Variants in LRRC4C observed in about 807,000 individuals in gnomAD.
LRRC4C encodes leucine rich repeat containing 4C.
Under a neutral mutation model 33.6 loss-of-function variants are expected in LRRC4C, and 5 were observed. The ratio of observed to expected loss-of-function variants is 0.15; its 90% CI spans 0.08 to 0.31. The LOEUF is 0.31. LRRC4C is among the 10% of genes least tolerant of loss of function. LRRC4C has a pLI of 1.00. For missense variants in LRRC4C, 560 were observed against 796.7 expected (o/e 0.70, Z 3.58); for synonymous variants, 329 against 302.0 (o/e 1.09, Z -0.93).
chr11:40,733,329 C>T (rs1280322493), intron 2 of LRRC4C, among the ~76,000 whole-genome samples: 1 of 151,988 alleles, frequency 6.6e-6, no homozygotes, highest in Non-Finnish European at 1.5e-5. Flanking sequence ...CCCTCCTCGG[C>T]CTCCCAAAGT....
chr11:40,193,093 T>C (rs1314656621), intron 5 of LRRC4C, among the ~76,000 whole-genome samples: 1 of 152,176 alleles, frequency 6.6e-6, no homozygotes, highest in Non-Finnish European at 1.5e-5. Flanking sequence ...AGCACAGTGC[T>C]CGAGCTCTGC....
intron 1 of LRRC4C, among the ~76,000 whole-genome samples, chr11:41,170,600 T>C (rs888787623): frequency 2.0e-5 from 3 of 152,080 alleles, no homozygotes; most frequent in Admixed American, 6.6e-5. Context: ...ATACAAAAAT[T>C]ATTTCAAGAT....
intron 1 of LRRC4C, among the ~76,000 whole-genome samples, chr11:41,141,713 C>A (rs1943515051): frequency 1.3e-5 from 2 of 152,050 alleles, no homozygotes; most frequent in South Asian, 4.1e-4. Flanking sequence ...TGAAGAGGTG[C>A]CTCCCACCAT....
At chr11:40,379,448 G>A (rs1948781162) in intron 3 of LRRC4C, among the ~76,000 whole-genome samples, 1 of 152,068 alleles carries the variant, frequency 6.6e-6, no homozygotes, top group African/African-American at 2.4e-5. Context: ...ACTGAAATTA[G>A]TTTTTGCATT....
At chr11:40,866,860 C>T (rs1197008807) in intron 2 of LRRC4C, among the ~76,000 whole-genome samples, 1 of 152,124 alleles carries the variant, frequency 6.6e-6, no homozygotes, top group Non-Finnish European at 1.5e-5. Flanking sequence ...ATTCTCCATC[C>T]TGTAGCCTCA....
rs144317305 is a variant in LRRC4C, at chr11:41,204,122, T to A, written c.-496+255309A>T. 3.3e-3 allele frequency among the ~76,000 whole-genome samples: 509 copies of A among 152,222 alleles called. 2 individuals carry two copies. Among genetic ancestry groups the A allele is most frequent in the African/African-American group, 0.012 (485 of 41,530 alleles). On this transcript the variant is annotated intron_variant, in intron 1 of 6. Coordinates refer to ENST00000528697, the MANE Select transcript of LRRC4C (RefSeq NM_001258419.2). ...GTGGAGACAGGAAAAGCAATTTGAG[T>A]AAGACAAGAGCCTTCAAGAACAGAT... is the stretch of plus-strand genomic sequence containing the variant.
At chr11:40,773,937 T>C (rs1200695827) in intron 2 of LRRC4C, among the ~76,000 whole-genome samples, 3 of 152,088 alleles carry the variant, frequency 2.0e-5, no homozygotes, top group Non-Finnish European at 4.4e-5. Flanking sequence ...GTTCTGCAAC[T>C]ACCAGTTATA....
At chr11:41,268,150 T>C (rs1949209803) in intron 1 of LRRC4C, among the ~76,000 whole-genome samples, 2 of 152,174 alleles carry the variant, frequency 1.3e-5, no homozygotes, top group Non-Finnish European at 2.9e-5. Context: ...TGTGTTGTGA[T>C]TGCACACAAA....
intron 3 of LRRC4C, among the ~76,000 whole-genome samples, chr11:40,401,145 G>T (rs1949742210): frequency 1.3e-5 from 2 of 151,006 alleles, no homozygotes; most frequent in African/African-American, 4.9e-5. Context: ...CACACATGGT[G>T]AGCAGGAATA....
chr11:40,155,134 T>C (rs775619526), intron 5 of LRRC4C, among the ~76,000 whole-genome samples: 10 of 152,102 alleles, frequency 6.6e-5, no homozygotes, highest in Non-Finnish European at 1.3e-4. Flanking sequence ...GAAATCAAGA[T>C]GAAAATTAAA....
intron 2 of LRRC4C, among the ~76,000 whole-genome samples, chr11:40,651,156 G>A (rs895252639): frequency 1.6e-4 from 24 of 152,138 alleles, no homozygotes; most frequent in Non-Finnish European, 4.4e-5. Flanking sequence ...GTATCCCCTT[G>A]CCACAAGTTT....
chr11:41,411,525 T>C (rs561734715), intron 1 of LRRC4C, among the ~76,000 whole-genome samples: 11 of 152,100 alleles, frequency 7.2e-5, no homozygotes, highest in African/African-American at 2.7e-4. Flanking sequence ...AACATAACTT[T>C]AGGAATAAAA....
chr11:40,256,256 A>G (rs1221500315), intron 4 of LRRC4C, among the ~76,000 whole-genome samples: 5 of 152,220 alleles, frequency 3.3e-5, no homozygotes, highest in Admixed American at 3.3e-4. Context: ...ACATAATCCC[A>G]GGCTCATAAG....
At chr11:41,039,869 C>T (rs907652593) in intron 1 of LRRC4C, among the ~76,000 whole-genome samples, 5 of 152,072 alleles carry the variant, frequency 3.3e-5, no homozygotes, top group South Asian at 2.1e-4. Flanking sequence ...AGGCTGAGCG[C>T]GGTGGCTCAC....
intron 4 of LRRC4C, among the ~76,000 whole-genome samples, chr11:40,254,703 C>G (rs1022613663): frequency 6.6e-6 from 1 of 152,186 alleles, no homozygotes; most frequent in African/African-American, 2.4e-5. Context: ...CTTCCAGACA[C>G]TGAAGATGTA....
chr11:41,142,364 C>CAGATTGCTG, intron 1 of LRRC4C, among the ~76,000 whole-genome samples: 1 of 152,094 alleles, frequency 6.6e-6, no homozygotes, highest in East Asian at 1.9e-4. Context: ...CTGTTAAAAC[C>CAGATTGCTG]AGATTGCTGA....
intron 2 of LRRC4C, among the ~76,000 whole-genome samples, chr11:40,840,886 C>A (rs1952881799): frequency 6.6e-6 from 1 of 152,130 alleles, no homozygotes; most frequent in African/African-American, 2.4e-5. Context: ...TGGAATTTTT[C>A]ACTTCTTCAC....
intron 3 of LRRC4C, among the ~76,000 whole-genome samples, chr11:40,387,986 CA>C (rs1423801079): frequency 6.6e-6 from 1 of 152,042 alleles, no homozygotes; most frequent in East Asian, 1.9e-4. Flanking sequence ...ATGATTGACT[CA>C]AGGATGAAAT....
At chr11:40,407,156 C>T (rs976947551) in intron 3 of LRRC4C, among the ~76,000 whole-genome samples, 6 of 152,008 alleles carry the variant, frequency 3.9e-5, no homozygotes, top group African/African-American at 1.4e-4. Context: ...TTCATAGGAT[C>T]GGTTGGATTG....
Sources: allele counts gnomAD v4.1 joint callset (sites outside exome capture counted in the v4.1 genomes callset), GRCh38; gene constraint gnomAD v4.1.1; transcripts MANE v1.5; gene names NCBI Gene and HGNC (gene_info 2026-07-23, HGNC 2026-07-21).